Variants in SCFD2 observed in about 807,000 individuals in gnomAD.
SCFD2 encodes sec1 family domain containing 2.
A neutral mutation model predicts 58.9 loss-of-function variants in SCFD2; 54 were observed. That is an observed-to-expected ratio of 0.92 (90% CI 0.74 to 1.15). The LOEUF is 1.15. Ranked by LOEUF, SCFD2 falls within the 50% of genes most tolerant of loss-of-function variation. SCFD2 has a pLI of 0.00. For missense variants in SCFD2, 805 were observed against 836.6 expected, an observed-to-expected ratio of 0.96 and a Z score of 0.47; for synonymous variants, 321 against 335.9, an observed-to-expected ratio of 0.96 and a Z score of 0.49.
At chr4:53,286,472 C>T (rs1731672162) in intron 3 of SCFD2, among the ~76,000 whole-genome samples, 1 of 152,028 alleles carries the variant, frequency 6.6e-6, no homozygotes. Flanking sequence ...GACCTAGAAC[C>T]TGGTCCCAGT....
chr4:53,130,620 CTT>C (rs1316568830), intron 5 of SCFD2, among the ~76,000 whole-genome samples: 1 of 152,138 alleles, frequency 6.6e-6, no homozygotes, highest in African/African-American at 2.4e-5. Flanking sequence ...GGCCACACGA[CTT>C]TGGTTTGGCC....
chr4:53,026,499 G>T (rs527772436), intron 5 of SCFD2, among the ~76,000 whole-genome samples: 1 of 152,302 alleles, frequency 6.6e-6, no homozygotes, highest in Non-Finnish European at 1.5e-5. Context: ...TAGCCACAAG[G>T]CCAGTTTTTA....
chr4:53,329,077 C>A (rs28395486), intron 2 of SCFD2, among the ~76,000 whole-genome samples: 6 of 152,338 alleles, frequency 3.9e-5, no homozygotes, highest in East Asian at 3.9e-4. Flanking sequence ...TATCCCTCAC[C>A]TGGCTCAGAG....
chr4:53,187,211 C>T (rs79366527), intron 4 of SCFD2, among the ~76,000 whole-genome samples: 2,781 of 151,954 alleles, frequency 0.018, 92 homozygotes, highest in African/African-American at 0.064. Context: ...GAAAACACAC[C>T]TTATTTAAGA....
chr4:53,215,486 C>T (rs1022721836), intron 4 of SCFD2, among the ~76,000 whole-genome samples: 3 of 152,122 alleles, frequency 2.0e-5, no homozygotes, highest in Non-Finnish European at 4.4e-5. Flanking sequence ...GATTTTTGCA[C>T]ATTGATTTTG....
At chr4:53,339,576 C>G (rs1733797666) in intron 2 of SCFD2, among the ~76,000 whole-genome samples, 1 of 152,034 alleles carries the variant, frequency 6.6e-6, no homozygotes, top group Non-Finnish European at 1.5e-5. Context: ...TCAAGAGCAG[C>G]CTGGCCAACA....
At chr4:52,991,928 C>T (rs1721620105) in intron 5 of SCFD2, among the ~76,000 whole-genome samples, 1 of 152,132 alleles carries the variant, frequency 6.6e-6, no homozygotes, top group Non-Finnish European at 1.5e-5. Flanking sequence ...ATAGTGGATA[C>T]ATTTCCCCAA....
intron 5 of SCFD2, among the ~76,000 whole-genome samples, chr4:52,943,940 TCAAA>T (rs1342714786): frequency 1.3e-5 from 2 of 152,168 alleles, no homozygotes; most frequent in Non-Finnish European, 2.9e-5. Context: ...CATTTGTTTA[TCAAA>T]CAATCACATG....
intron 7 of SCFD2, among the ~76,000 whole-genome samples, chr4:52,895,573 G>A (rs1019635130): frequency 8.5e-5 from 13 of 152,240 alleles, no homozygotes; most frequent in African/African-American, 2.9e-4. Context: ...GTCTATCATT[G>A]TTGGACATTT....
At chr4:53,327,088 G>T (rs1483576706) in intron 2 of SCFD2, among the ~76,000 whole-genome samples, 1 of 151,990 alleles carries the variant, frequency 6.6e-6, no homozygotes. Flanking sequence ...TCTTGATACA[G>T]CAGCAGAGTT....
chr4:53,078,025 G>A (rs149677604), intron 5 of SCFD2, among the ~76,000 whole-genome samples: 39 of 152,212 alleles, frequency 2.6e-4, no homozygotes, highest in African/African-American at 8.4e-4. Context: ...AAGACCACTG[G>A]AACCATCATA....
At chr4:53,146,431 T>A (rs1204151904) in intron 4 of SCFD2, among the ~76,000 whole-genome samples, 1 of 152,144 alleles carries the variant, frequency 6.6e-6, no homozygotes, top group Admixed American at 6.5e-5. Context: ...ACTCTACACT[T>A]TGTATTTATA....
intron 4 of SCFD2, among the ~76,000 whole-genome samples, chr4:53,181,942 C>A (rs1727575761): frequency 1.3e-5 from 2 of 152,168 alleles, no homozygotes; most frequent in South Asian, 2.1e-4. Context: ...ATCCAACTTA[C>A]AAGGGATGTG....
At chr4:53,113,614 C>T (rs1460107669) in intron 5 of SCFD2, among the ~76,000 whole-genome samples, 1 of 152,102 alleles carries the variant, frequency 6.6e-6, no homozygotes, top group Non-Finnish European at 1.5e-5. Context: ...GTTTTCACAA[C>T]TGCAATCACA....
chr4:53,242,081 C>T (rs1729911550), intron 4 of SCFD2, among the ~76,000 whole-genome samples: 1 of 152,254 alleles, frequency 6.6e-6, no homozygotes, highest in Non-Finnish European at 1.5e-5. Context: ...GAAACAGAGG[C>T]TGGCACCCCA....
chr4:52,973,512 T>C (rs1423791384), intron 5 of SCFD2, among the ~76,000 whole-genome samples: 1 of 152,112 alleles, frequency 6.6e-6, no homozygotes, highest in Admixed American at 6.6e-5. Context: ...GGCTCTGAAA[T>C]TGAGGCAATA....
chr4:52,985,566 T>C (rs1230902783), intron 5 of SCFD2, among the ~76,000 whole-genome samples: 1 of 151,854 alleles, frequency 6.6e-6, no homozygotes, highest in Non-Finnish European at 1.5e-5. Flanking sequence ...CAGCATATTA[T>C]AAAACCATGG....
At chr4:52,988,821 T>G (rs1478732631) in intron 5 of SCFD2, among the ~76,000 whole-genome samples, 1 of 152,220 alleles carries the variant, frequency 6.6e-6, no homozygotes, top group East Asian at 1.9e-4. Context: ...TTTCCTTTCC[T>G]GCTCTAATTT....
intron 5 of SCFD2, among the ~76,000 whole-genome samples, chr4:53,018,818 G>A (rs1722277012): frequency 6.6e-6 from 1 of 152,104 alleles, no homozygotes; most frequent in Admixed American, 6.6e-5. Flanking sequence ...CATCAATGAT[G>A]GTGTGTACGC....
Sources: gnomAD v4.1 joint callset for allele counts (sites outside exome capture counted in the v4.1 genomes callset) on GRCh38, gnomAD v4.1.1 for gene constraint, MANE v1.5 for transcripts, NCBI Gene and HGNC (gene_info 2026-07-23, HGNC 2026-07-21) for gene names.